STIM2: variants seen among roughly 807,000 people sequenced by gnomAD.
STIM2 encodes stromal interaction molecule 2.
STIM2 carries 31 observed loss-of-function variants against 85.8 expected under a neutral mutation model. The ratio of observed to expected loss-of-function variants is 0.36; its 90% CI spans 0.27 to 0.49. The LOEUF is 0.49. Among genes scored for constraint, STIM2 ranks in the 20% least tolerant of loss-of-function variants. The probability of loss-of-function intolerance (pLI) is 0.98; values close to 1 mark genes in which losing one functional copy is unlikely to be tolerated. For synonymous variants in STIM2, 356 were observed against 331.1 expected (o/e 1.08, Z -0.82); for missense variants, 841 against 927.6 (o/e 0.91, Z 1.21).
chr4:26,914,898 C>CG (rs1379665082), intron 1 of STIM2, among the ~76,000 whole-genome samples: 1 of 152,138 alleles, frequency 6.6e-6, no homozygotes, highest in Non-Finnish European at 1.5e-5. Flanking sequence ...TCTCCTTCCA[C>CG]GGGGCACATT....
Position 27,001,580 on chromosome 4 carries a change from C to G in STIM2, c.626-637C>G, listed in dbSNP as rs557668076. On this transcript the variant is annotated intron_variant, in intron 5 of 11. Coordinates refer to ENST00000467087, the MANE Select transcript of STIM2 (RefSeq NM_020860.4). ...AGAGGGGACACAGGGAGGAGGTTGT[C>G]TTGCGCACTGTAGGGTGTTCAGCAA... is the stretch of plus-strand genomic sequence containing the variant. Among the ~76,000 whole-genome samples the G allele has an allele frequency of 1.3e-4, 20 of 152,290 alleles. No homozygotes were observed. The South Asian group carries it at 2.3e-3, about 17-fold the overall frequency.
chr4:26,953,583 T>C (rs769221679), intron 2 of STIM2, among the ~76,000 whole-genome samples: 111 of 152,076 alleles, frequency 7.3e-4, no homozygotes, highest in Non-Finnish European at 1.4e-3. Flanking sequence ...AAATTATGTA[T>C]CTAAAAATAG....
intron 1 of STIM2, among the ~76,000 whole-genome samples, chr4:26,897,494 A>G (rs536235862): frequency 4.1e-4 from 62 of 152,310 alleles, no homozygotes; most frequent in Middle Eastern, 6.8e-3. Context: ...TTTTCAGGTA[A>G]ATACAAAAGA....
rs571196761 is a variant in STIM2, at chr4:26,868,022, G to A, written c.151+6653G>A. On this transcript the variant is annotated intron_variant, in intron 1 of 11. Transcript: ENST00000467087. ...TGGCCCTTGGTGTGCTATAGCACAA[G>A]CATCATGGCTGCAGTCCCGAGAGTA... is the stretch of plus-strand genomic sequence containing the variant. Among the ~76,000 whole-genome samples the A allele has an allele frequency of 3.9e-5, 6 of 152,366 alleles. No individual in the cohort carries two copies. The South Asian group carries it at 1.0e-3, about 26-fold the overall frequency.
chr4:26,863,802 C>G (rs1722303677), intron 1 of STIM2, among the ~76,000 whole-genome samples: 1 of 152,014 alleles, frequency 6.6e-6, no homozygotes, highest in South Asian at 2.1e-4. Context: ...GTCTCTTTGT[C>G]TCCTGATTAA....
intron 3 of STIM2, among the ~76,000 whole-genome samples, chr4:26,976,841 A>G (rs1727219731): frequency 6.6e-6 from 1 of 152,170 alleles, no homozygotes; most frequent in South Asian, 2.1e-4. Context: ...GTGAGACAGG[A>G]CAGGCATTAT....
At chr4:26,899,188 G>A (rs147277084) in intron 1 of STIM2, among the ~76,000 whole-genome samples, 59 of 152,042 alleles carry the variant, frequency 3.9e-4, no homozygotes, top group African/African-American at 1.4e-3. Flanking sequence ...CTATTCCCAT[G>A]ATTACATGAG....
intron 5 of STIM2, 54 bp from the exon 6 acceptor site, chr4:27,002,163 T>C (rs991806668): frequency 8.7e-6 from 13 of 1,493,148 alleles, no homozygotes; most frequent in Non-Finnish European, 1.2e-5. Flanking sequence ...CTTTTTGTAT[T>C]GAGGTCCTGT....
At position 26,999,532 on chromosome 4, in the gene STIM2, G is replaced by A. The variant is rs1051239986; in HGVS notation, c.625+185G>A. ...GATTTTCTGTCATTGAAACATGAGT[G>A]TGAAATTTTCAAAGCTGGTTACTAA... On this transcript the variant is annotated intron_variant, in intron 5 of 11. Coordinates refer to ENST00000467087, the MANE Select transcript of STIM2 (RefSeq NM_020860.4). Among the ~76,000 whole-genome samples, 3 of 152,262 alleles carry A rather than the reference G, an allele frequency of 2.0e-5. No homozygotes were observed. The East Asian group carries it at 5.8e-4, about 29-fold the overall frequency.
At chr4:27,021,819 G>A (rs1440195863) in intron 11 of STIM2, among the ~76,000 whole-genome samples, 1 of 152,082 alleles carries the variant, frequency 6.6e-6, no homozygotes, top group African/African-American at 2.4e-5. Flanking sequence ...GAGATTTGAA[G>A]GAATGGGTGA....
intron 11 of STIM2, chr4:27,020,928 G>A: frequency 7.3e-7 from 1 of 1,365,438 alleles, no homozygotes; most frequent in Non-Finnish European, 1.0e-6. Context: ...TTCTCACACT[G>A]TATTTCTTTT....
intron 3 of STIM2, among the ~76,000 whole-genome samples, chr4:26,972,240 C>A (rs570642241): frequency 6.6e-6 from 1 of 152,256 alleles, no homozygotes; most frequent in South Asian, 2.1e-4. Flanking sequence ...ATTTCTTTCT[C>A]TTGCCTGATT....
chr4:26,981,701 C>T (rs1039424656), intron 3 of STIM2, among the ~76,000 whole-genome samples: 1 of 152,136 alleles, frequency 6.6e-6, no homozygotes, highest in Admixed American at 6.5e-5. Context: ...ACTTTTACGA[C>T]GTTGGCCAGT....
chr4:27,008,977 A>G lies in STIM2; in HGVS notation c.1464A>G (p.Thr488=). Residue 488 remains threonine, a synonymous_variant, in exon 10 of 12, where the codon ACA becomes ACG. Transcript: ENST00000467087. ...GAGTTGATGACTTAGATGAAGACAC[A>G]CCCCCAATAGTGTCACAATTTCCCG... 1 of 1,614,020 alleles carries G rather than the reference A, an allele frequency of 6.2e-7. No homozygotes were observed. The highest frequency in any genetic ancestry group is 8.5e-7 in the Non-Finnish European group (1 of 1,179,978).
intron 11 of STIM2, chr4:27,021,407 C>G (rs952411125): frequency 6.7e-6 from 3 of 447,634 alleles, no homozygotes; most frequent in African/African-American, 4.0e-5. Flanking sequence ...GAGAAGTAAG[C>G]CACGTGGAGA....
At chr4:26,894,084 T>C (rs1279757977) in intron 1 of STIM2, among the ~76,000 whole-genome samples, 1 of 152,184 alleles carries the variant, frequency 6.6e-6, no homozygotes, top group African/African-American at 2.4e-5. Flanking sequence ...AAATGGGGTT[T>C]CACCATCTTG....
intron 5 of STIM2, among the ~76,000 whole-genome samples, chr4:27,000,293 G>A (rs1037021610): frequency 6.6e-6 from 1 of 152,142 alleles, no homozygotes; most frequent in Non-Finnish European, 1.5e-5. Context: ...AGCAGCTGGT[G>A]AAACAGCTGG....
At chr4:26,879,614 A>C (rs924614425) in intron 1 of STIM2, among the ~76,000 whole-genome samples, 9 of 152,214 alleles carry the variant, frequency 5.9e-5, no homozygotes, top group African/African-American at 2.2e-4. Context: ...TAATTATTTG[A>C]GGAAACCGAA....
chr4:26,866,937 A>G (rs562495870), intron 1 of STIM2, among the ~76,000 whole-genome samples: 2 of 152,268 alleles, frequency 1.3e-5, no homozygotes, highest in East Asian at 1.9e-4. Context: ...GCAAATCTAT[A>G]TCCTGTCATT....
Sources: gnomAD v4.1 joint callset for allele counts (sites outside exome capture counted in the v4.1 genomes callset) on GRCh38, gnomAD v4.1.1 for gene constraint, MANE v1.5 for transcripts, NCBI Gene and HGNC (gene_info 2026-07-23, HGNC 2026-07-21) for gene names.